The following TAFA5 variants were observed in gnomAD, a reference collection of about 807,000 sequenced individuals.
TAFA5 encodes chemokine-like protein TAFA-5.
In TAFA5, 6 loss-of-function variants were observed where a neutral mutation model predicts 15.3. That is an observed-to-expected ratio of 0.39 (90% CI 0.21 to 0.77). TAFA5 has a LOEUF of 0.77. Among genes scored for constraint, TAFA5 ranks in the 30% least tolerant of loss-of-function variants. The pLI, the probability that TAFA5 is intolerant of heterozygous loss-of-function variation, is 0.41. For synonymous variants in TAFA5, 103 were observed against 80.7 expected (o/e 1.28, Z -1.48); for missense variants, 161 against 193.1 (o/e 0.83, Z 0.98).
intron 1 of TAFA5, among the ~76,000 whole-genome samples, chr22:48,506,082 C>T (rs1569161603): frequency 6.6e-6 from 1 of 152,188 alleles, no homozygotes; most frequent in Non-Finnish European, 1.5e-5. Flanking sequence ...TCGCCCTTCC[C>T]TGCACACCCC....
intron 2 of TAFA5, among the ~76,000 whole-genome samples, chr22:48,692,216 TCAGA>T (rs1427883538): frequency 1.3e-5 from 2 of 151,740 alleles, no homozygotes; most frequent in Non-Finnish European, 2.9e-5. Context: ...CTGCAGGATG[TCAGA>T]CAGTGAGACC....
At chr22:48,504,789 C>T (rs944479237) in intron 1 of TAFA5, among the ~76,000 whole-genome samples, 3 of 152,126 alleles carry the variant, frequency 2.0e-5, no homozygotes. Context: ...GATGGCTCGC[C>T]GAATCCCAGA....
intron 2 of TAFA5, among the ~76,000 whole-genome samples, chr22:48,662,451 C>T (rs1204875827): frequency 6.6e-6 from 1 of 151,806 alleles, no homozygotes; most frequent in East Asian, 1.9e-4. Flanking sequence ...CAGAAAGTGG[C>T]AGTGACTGTG....
intron 1 of TAFA5, among the ~76,000 whole-genome samples, chr22:48,622,155 G>T (rs1431063634): frequency 6.6e-6 from 1 of 152,144 alleles, no homozygotes; most frequent in Non-Finnish European, 1.5e-5. Flanking sequence ...AGAACCCAGG[G>T]GTACCGGGGG....
At chr22:48,658,784 G>C (rs1927335755) in intron 2 of TAFA5, among the ~76,000 whole-genome samples, 1 of 152,220 alleles carries the variant, frequency 6.6e-6, no homozygotes, top group African/African-American at 2.4e-5. Flanking sequence ...TCGACGTGTA[G>C]AGAGAGAAAG....
intron 2 of TAFA5, among the ~76,000 whole-genome samples, chr22:48,650,261 C>T (rs1435835561): frequency 1.3e-5 from 2 of 152,138 alleles, no homozygotes; most frequent in African/African-American, 4.8e-5. Flanking sequence ...CTCGGAATGC[C>T]GGAGCAAGCC....
chr22:48,489,816 G>C lies in TAFA5; in HGVS notation c.112+112G>C. 1.8e-6 allele frequency: 1 copy of C among 568,348 alleles called. No homozygotes were observed. The highest frequency in any genetic ancestry group is 2.7e-6 in the Non-Finnish European group (1 of 368,342). 35.2% of individuals were successfully genotyped at this position (568,348 alleles called of 1,614,324 possible). A position where few individuals can be genotyped will look rare whatever the true frequency, so the allele number is the denominator to read the frequency against. On this transcript the variant is annotated intron_variant, in intron 1 of 3. Coordinates refer to ENST00000402357, the MANE Select transcript of TAFA5 (RefSeq NM_001082967.3). The surrounding 1 kb of genome is among the most constrained non-coding windows in gnomAD (Gnocchi z 5.5). ...CCGGAGTCGGCGCGGAGTTACGAGC[G>C]CCGGGCGCATGGTCCCCCGAGTCCC...
chr22:48,719,287 G>A (rs184565528), intron 3 of TAFA5, among the ~76,000 whole-genome samples: 2 of 152,154 alleles, frequency 1.3e-5, no homozygotes, highest in African/African-American at 2.4e-5. Flanking sequence ...GAGGTGGCAC[G>A]TCCCGTTCCC....
At chr22:48,586,134 C>T (rs2147152542) in intron 1 of TAFA5, among the ~76,000 whole-genome samples, 1 of 152,358 alleles carries the variant, frequency 6.6e-6, no homozygotes, top group South Asian at 2.1e-4. Flanking sequence ...GAAGGTACTG[C>T]CCTGACCTTC....
At chr22:48,568,824 C>T (rs1923490010) in intron 1 of TAFA5, among the ~76,000 whole-genome samples, 1 of 152,202 alleles carries the variant, frequency 6.6e-6, no homozygotes, top group Non-Finnish European at 1.5e-5. Context: ...TCCCCATTGC[C>T]CTTCTCTAGA....
At chr22:48,662,006 G>A (rs1342165008) in intron 2 of TAFA5, among the ~76,000 whole-genome samples, 3 of 130,412 alleles carry the variant, frequency 2.3e-5, no homozygotes, top group Non-Finnish European at 4.9e-5. Flanking sequence ...TCATTGGGGT[G>A]CCTACTTTGG....
At chr22:48,496,127 C>T (rs1928315391) in intron 1 of TAFA5, among the ~76,000 whole-genome samples, 1 of 152,230 alleles carries the variant, frequency 6.6e-6, no homozygotes, top group Non-Finnish European at 1.5e-5. Context: ...TCCCCTGCTT[C>T]CTGAGGCATC....
chr22:48,627,613 G>A (rs531435305), intron 1 of TAFA5, among the ~76,000 whole-genome samples: 147 of 152,376 alleles, frequency 9.6e-4, no homozygotes, highest in African/African-American at 3.4e-3. Flanking sequence ...TAGCAGGATG[G>A]AAACTGCAGC....
intron 1 of TAFA5, among the ~76,000 whole-genome samples, chr22:48,492,429 C>T (rs1053504173): frequency 2.0e-5 from 3 of 152,228 alleles, no homozygotes; most frequent in African/African-American, 7.2e-5. Flanking sequence ...CCTAGTGCAG[C>T]TAGGAGGAAA....
chr22:48,634,518 C>T (rs201013114), intron 1 of TAFA5, among the ~76,000 whole-genome samples: 1 of 120,338 alleles, frequency 8.3e-6, no homozygotes, highest in Non-Finnish European at 1.7e-5. Context: ...CTCATTCACT[C>T]ATTCACTTAT....
intron 1 of TAFA5, among the ~76,000 whole-genome samples, chr22:48,581,452 C>T (rs1006630483): frequency 6.6e-6 from 1 of 152,134 alleles, no homozygotes; most frequent in Non-Finnish European, 1.5e-5. Context: ...GAGCACAGTG[C>T]GAGAAAGCCG....
chr22:48,494,005 C>T (rs749245096), intron 1 of TAFA5, among the ~76,000 whole-genome samples: 6 of 152,304 alleles, frequency 3.9e-5, no homozygotes, highest in Middle Eastern at 3.4e-3. Context: ...CCTGCTGGAC[C>T]TCCCTGAGGC....
chr22:48,588,890 A>G (rs35330843), intron 1 of TAFA5, among the ~76,000 whole-genome samples: 7 of 152,112 alleles, frequency 4.6e-5, no homozygotes, highest in Non-Finnish European at 7.3e-5. Context: ...AGAAGAGGTC[A>G]TGGAGCCTTT....
chr22:48,524,618 C>G (rs1921716827), intron 1 of TAFA5, among the ~76,000 whole-genome samples: 1 of 152,206 alleles, frequency 6.6e-6, no homozygotes, highest in Non-Finnish European at 1.5e-5. Context: ...CTTTTAGGGG[C>G]CCCCACATTG....
Sources: gnomAD v4.1 joint callset for allele counts (sites outside exome capture counted in the v4.1 genomes callset) on GRCh38, gnomAD v4.1.1 for gene constraint, Gnocchi (gnomAD v3.1) non-coding constraint, MANE v1.5 for transcripts, NCBI Gene and HGNC (gene_info 2026-07-23, HGNC 2026-07-21) for gene names.